The following ROBO1 variants were observed in gnomAD, a reference collection of about 807,000 sequenced individuals.
ROBO1 encodes roundabout guidance receptor 1.
In ROBO1, 149 loss-of-function variants were observed where a neutral mutation model predicts 195.9. That is an observed-to-expected ratio of 0.76 (90% confidence interval 0.67 to 0.87). The LOEUF (loss-of-function observed/expected upper bound fraction) is 0.87, where lower values mean the gene tolerates loss of function less well. Among genes scored for constraint, ROBO1 ranks in the 40% least tolerant of loss-of-function variants. ROBO1 has a pLI of 0.00. For synonymous variants in ROBO1, 816 were observed against 733.2 expected (o/e 1.11, Z -1.82); for missense variants, 1,933 against 2,068.3 (o/e 0.93, Z 1.27).
chr3:79,174,707 CAA>C (rs11323133), intron 2 of ROBO1, among the ~76,000 whole-genome samples: 7 of 143,544 alleles, frequency 4.9e-5, no homozygotes, highest in African/African-American at 1.5e-4. Flanking sequence ...ACTAAAAATA[CAA>C]AAAAAAAAAC....
chr3:79,268,715 C>T (rs984566557), intron 2 of ROBO1, among the ~76,000 whole-genome samples: 4 of 151,706 alleles, frequency 2.6e-5, no homozygotes, highest in Non-Finnish European at 4.4e-5. Context: ...ATGAGTAATA[C>T]CTTGGTTCCA....
rs538766618 is a variant in ROBO1, at chr3:78,940,281, G to A, written c.173-1354C>T. ...AGCTACCATCACAAGTCCAACTACC[G>A]TCTCTTTCCACCAGGATGTAGGAAA... On this transcript the variant is annotated intron_variant, in intron 3 of 30. Coordinates refer to ENST00000464233, the MANE Select transcript of ROBO1 (RefSeq NM_002941.4). 3.7e-3 allele frequency among the ~76,000 whole-genome samples: 565 copies of A among 152,054 alleles called. 1 individual carries two copies. Among genetic ancestry groups the A allele is most frequent in the South Asian group, 0.014 (69 of 4,822 alleles).
At chr3:79,234,879 A>T (rs2082381189) in intron 2 of ROBO1, among the ~76,000 whole-genome samples, 1 of 152,128 alleles carries the variant, frequency 6.6e-6, no homozygotes, top group African/African-American at 2.4e-5. Context: ...TACTATGCTC[A>T]TTACCTGAGT....
rs200066267 is a variant in ROBO1 at position 79,378,303 on chromosome 3, CCT to C, written c.88+211519_88+211520del. Among the ~76,000 whole-genome samples the C allele has an allele frequency of 5.3e-4, 81 of 152,058 alleles. No individual in the cohort carries two copies. The East Asian group carries it at 0.011, about 21-fold the overall frequency. Reference sequence around the variant, plus strand: ...AACTAGTCTGGGAAACTCTCTTTTCCCTCGGTGCCAGCCTCCAGCATGGGCCT... The same window carrying C: ...AACTAGTCTGGGAAACTCTCTTTTCCCGGTGCCAGCCTCCAGCATGGGCCT... On this transcript the variant is annotated intron_variant, in intron 2 of 30. Transcript: ENST00000464233.
intron 1 of ROBO1, among the ~76,000 whole-genome samples, chr3:79,714,286 A>G (rs887767509): frequency 6.6e-6 from 1 of 152,232 alleles, no homozygotes. Flanking sequence ...ATGCAAATCA[A>G]AACCACAATG....
intron 1 of ROBO1, among the ~76,000 whole-genome samples, chr3:79,735,031 T>C (rs1703318537): frequency 6.6e-6 from 1 of 152,202 alleles, no homozygotes; most frequent in Admixed American, 6.5e-5. Context: ...TTTCTAATGA[T>C]ACAGAATGGA....
chr3:79,042,561 G>A (rs2078508493), intron 3 of ROBO1, among the ~76,000 whole-genome samples: 1 of 152,048 alleles, frequency 6.6e-6, no homozygotes. Flanking sequence ...TATAAGTTGA[G>A]GGCACTGATG....
chr3:79,595,282 C>T (rs1190633936), intron 1 of ROBO1, among the ~76,000 whole-genome samples: 1 of 151,872 alleles, frequency 6.6e-6, no homozygotes, highest in Non-Finnish European at 1.5e-5. Context: ...AATAAAATTT[C>T]TTAGAAAGTA....
chr3:78,733,319 G>A (rs2082322824), intron 5 of ROBO1, among the ~76,000 whole-genome samples: 2 of 152,006 alleles, frequency 1.3e-5, no homozygotes, highest in South Asian at 2.1e-4. Flanking sequence ...TTTGATTTCT[G>A]CATTTTGGAC....
intron 3 of ROBO1, among the ~76,000 whole-genome samples, chr3:79,004,829 G>A (rs556521138): frequency 2.2e-4 from 33 of 152,152 alleles, no homozygotes; most frequent in Non-Finnish European, 4.1e-4. Flanking sequence ...ACAAGGTGCT[G>A]TCTCATAAGA....
chr3:79,148,847 A>C (rs2080707823), intron 2 of ROBO1, among the ~76,000 whole-genome samples: 1 of 151,898 alleles, frequency 6.6e-6, no homozygotes, highest in Non-Finnish European at 1.5e-5. Context: ...TATTTTGCTG[A>C]TGTGATCAAT....
intron 1 of ROBO1, among the ~76,000 whole-genome samples, chr3:79,620,615 G>A (rs889131404): frequency 2.0e-5 from 3 of 151,510 alleles, no homozygotes; most frequent in Non-Finnish European, 2.9e-5. Flanking sequence ...ACTATTCCTG[G>A]GCTACAGCCA....
At chr3:79,116,358 A>AT (rs1339277674) in intron 3 of ROBO1, among the ~76,000 whole-genome samples, 1 of 54,570 alleles carries the variant, frequency 1.8e-5, no homozygotes, top group Non-Finnish European at 4.0e-5. Flanking sequence ...TTTCTTTCTT[A>AT]TTTTTTTCGT....
intron 3 of ROBO1, among the ~76,000 whole-genome samples, chr3:78,946,736 TAAAG>T (rs1400458947): frequency 6.6e-6 from 1 of 152,092 alleles, no homozygotes; most frequent in Non-Finnish European, 1.5e-5. Flanking sequence ...ACAAATTGGA[TAAAG>T]AGTCAAGACC....
chr3:79,516,921 A>G (rs1252607267), intron 2 of ROBO1, among the ~76,000 whole-genome samples: 1 of 152,188 alleles, frequency 6.6e-6, no homozygotes, highest in Non-Finnish European at 1.5e-5. Context: ...GGCAATACCA[A>G]TTTATACTCC....
intron 26 of ROBO1, among the ~76,000 whole-genome samples, chr3:78,620,832 G>A (rs1704407366): frequency 6.6e-6 from 1 of 150,872 alleles, no homozygotes; most frequent in Non-Finnish European, 1.5e-5. Flanking sequence ...TTATTTCCAA[G>A]GGCATGACCT....
intron 1 of ROBO1, among the ~76,000 whole-genome samples, chr3:79,647,582 T>G (rs1306200867): frequency 8.1e-6 from 1 of 123,866 alleles, no homozygotes; most frequent in Non-Finnish European, 1.7e-5. Context: ...TATCGGCATC[T>G]TGTAAGTAGA....
At chr3:79,534,896 A>C (rs1343217971) in intron 2 of ROBO1, among the ~76,000 whole-genome samples, 1 of 152,146 alleles carries the variant, frequency 6.6e-6, no homozygotes, top group East Asian at 1.9e-4. Flanking sequence ...TGGGTGACGC[A>C]TACTAACGAC....
chr3:79,160,156 A>G (rs1015397182), intron 2 of ROBO1, among the ~76,000 whole-genome samples: 1 of 151,952 alleles, frequency 6.6e-6, no homozygotes, highest in Non-Finnish European at 1.5e-5. Context: ...ATTTAACGCT[A>G]TTGTAAATTA....
Sources: allele counts gnomAD v4.1 joint callset (sites outside exome capture counted in the v4.1 genomes callset), GRCh38; gene constraint gnomAD v4.1.1; transcripts MANE v1.5; gene names NCBI Gene and HGNC (gene_info 2026-07-23, HGNC 2026-07-21).